Variants in COG5 observed in about 807,000 individuals in gnomAD.
The protein encoded by COG5 is conserved oligomeric Golgi complex subunit 5.
COG5 carries 86 observed loss-of-function variants against 110.4 expected under a neutral mutation model. The ratio of observed to expected loss-of-function variants is 0.78; its 90% CI spans 0.65 to 0.93. The LOEUF (loss-of-function observed/expected upper bound fraction) is 0.93. COG5 is among the 40% of genes least tolerant of loss of function. COG5 has a pLI of 0.00. For missense variants in COG5, 1,077 were observed against 987.0 expected (o/e 1.09, Z -1.22); for synonymous variants, 360 against 334.6 (o/e 1.08, Z -0.83).
intron 7 of COG5, among the ~76,000 whole-genome samples, chr7:107,393,249 G>C (rs947527900): frequency 6.6e-6 from 1 of 152,064 alleles, no homozygotes; most frequent in African/African-American, 2.4e-5. Context: ...TCCAGGATCA[G>C]CTCTAGGAAT....
At chr7:107,395,095 C>G (rs1316064852) in intron 7 of COG5, among the ~76,000 whole-genome samples, 1 of 152,228 alleles carries the variant, frequency 6.6e-6, no homozygotes, top group South Asian at 2.1e-4. Flanking sequence ...AACTGGAAAA[C>G]CACACAGAGA....
intron 11 of COG5, among the ~76,000 whole-genome samples, chr7:107,306,827 A>G (rs953072881): frequency 2.0e-5 from 3 of 152,156 alleles, no homozygotes; most frequent in Non-Finnish European, 4.4e-5. Context: ...TCAATTTTCT[A>G]CCTTCTTCCC....
intron 6 of COG5, among the ~76,000 whole-genome samples, chr7:107,439,806 A>C (rs1001174722): frequency 1.3e-5 from 2 of 152,180 alleles, no homozygotes; most frequent in African/African-American, 4.8e-5. Flanking sequence ...TGCCAAAATG[A>C]CATTTCAAAA....
intron 6 of COG5, among the ~76,000 whole-genome samples, chr7:107,526,555 C>G (rs1354190796): frequency 6.6e-6 from 1 of 152,160 alleles, no homozygotes; most frequent in African/African-American, 2.4e-5. Flanking sequence ...CAGCATTTCT[C>G]TAGAATATTT....
At chr7:107,279,828 T>C (rs771889448) in intron 14 of COG5, among the ~76,000 whole-genome samples, 1 of 152,144 alleles carries the variant, frequency 6.6e-6, no homozygotes, top group Non-Finnish European at 1.5e-5. Context: ...GCAGGTACAT[T>C]AGATAGGCCT....
intron 11 of COG5, among the ~76,000 whole-genome samples, chr7:107,309,425 T>C (rs1808019830): frequency 6.6e-6 from 1 of 152,188 alleles, no homozygotes; most frequent in African/African-American, 2.4e-5. Context: ...ATGTCTGTTA[T>C]TTACTGAACA....
At chr7:107,336,893 G>T (rs534302100) in intron 10 of COG5, among the ~76,000 whole-genome samples, 88 of 152,180 alleles carry the variant, frequency 5.8e-4, no homozygotes, top group African/African-American at 2.0e-3. Flanking sequence ...AGTGCAGACC[G>T]CCTGGGAGCC....
intron 11 of COG5, among the ~76,000 whole-genome samples, chr7:107,304,071 C>T (rs745714670): frequency 2.6e-5 from 4 of 152,088 alleles, no homozygotes; most frequent in African/African-American, 9.7e-5. Context: ...TATTGTACTC[C>T]TACCAGGTAA....
chr7:107,533,856 G>C (rs1419521699), intron 5 of COG5, among the ~76,000 whole-genome samples: 3 of 151,406 alleles, frequency 2.0e-5, no homozygotes, highest in Non-Finnish European at 4.4e-5. Context: ...CCCCAAGACA[G>C]ATAATCATCA....
chr7:107,525,538 A>G lies in COG5; in HGVS notation c.538+1699T>C, dbSNP rs551703418. On this transcript the variant is annotated intron_variant, in intron 6 of 21. Coordinates refer to ENST00000297135, the MANE Select transcript of COG5 (RefSeq NM_006348.5). The stretch of plus-strand genomic sequence containing the variant: ...TGAAAACAACACACAAGCATTATTC[A>G]TTGTTTAAAGTTAACTTTTTTTTTT... 8.8e-5 allele frequency among the ~76,000 whole-genome samples: 13 copies of G among 147,722 alleles called. No homozygotes were observed. The South Asian group carries it at 2.6e-3, about 29-fold the overall frequency.
At position 107,434,857 on chromosome 7, in the gene COG5, C is replaced by T. The variant is rs1276701620; in HGVS notation, c.539-22225G>A. Among the ~76,000 whole-genome samples the T allele has an allele frequency of 3.3e-5, 5 of 151,852 alleles. No individual in the cohort carries two copies. The East Asian group carries it at 9.7e-4, about 29-fold the overall frequency. On this transcript the variant is annotated intron_variant, in intron 6 of 21. Coordinates refer to ENST00000297135, the MANE Select transcript of COG5 (RefSeq NM_006348.5). ...TGGTGGCAAATGCCTGTAGTCCCAG[C>T]TACTTGGTAGGCTGAGGGAGGAGAA...
intron 12 of COG5, among the ~76,000 whole-genome samples, chr7:107,285,264 T>C (rs1014103060): frequency 6.6e-6 from 1 of 152,212 alleles, no homozygotes; most frequent in Non-Finnish European, 1.5e-5. Flanking sequence ...AGTATCTAAA[T>C]GTGTCTGAAG....
intron 11 of COG5, among the ~76,000 whole-genome samples, chr7:107,313,411 T>C (rs1277544220): frequency 6.6e-6 from 1 of 152,186 alleles, no homozygotes; most frequent in Non-Finnish European, 1.5e-5. Flanking sequence ...TCTCATATAC[T>C]GCCAAGGAGA....
In COG5 at chr7:107,563,739, CTGTCCAGG is replaced by C. The variant is rs915980636; in HGVS notation, c.94+56_94+63del. On this transcript the variant is annotated intron_variant, in intron 1 of 21. Transcript: ENST00000297135. Reference sequence around the variant, plus strand: ...AAAGCAACGGGTTGGGTCCACCTCGCTGTCCAGGTGCGGAGCAGCGCAGACCCCCAACC... The same window carrying C: ...AAAGCAACGGGTTGGGTCCACCTCGCTGCGGAGCAGCGCAGACCCCCAACC... The C allele has an allele frequency of 1.9e-6, 3 of 1,579,188 alleles. No homozygotes were observed. In the African/African-American group the frequency reaches 4.0e-5, roughly 21 times the overall value.
intron 18 of COG5, among the ~76,000 whole-genome samples, chr7:107,230,982 G>A (rs77207899): frequency 0.014 from 2,115 of 152,126 alleles, 37 homozygotes; most frequent in Non-Finnish European, 0.022. Context: ...GAAAAATAAG[G>A]AAAAGGAAAA....
At chr7:107,398,968 G>A (rs551772530) in intron 7 of COG5, among the ~76,000 whole-genome samples, 12 of 152,194 alleles carry the variant, frequency 7.9e-5, no homozygotes, top group East Asian at 1.9e-4. Flanking sequence ...TTGGGAGGCC[G>A]AAGCAGGGAG....
At chr7:107,454,138 A>G (rs886137639) in intron 6 of COG5, among the ~76,000 whole-genome samples, 3 of 144,494 alleles carry the variant, frequency 2.1e-5, no homozygotes, top group Non-Finnish European at 4.4e-5. Context: ...TAATTGAAAA[A>G]TAATAAAATT....
chr7:107,251,819 C>G (rs964164680), intron 16 of COG5, among the ~76,000 whole-genome samples: 1 of 151,640 alleles, frequency 6.6e-6, no homozygotes, highest in Non-Finnish European at 1.5e-5. Flanking sequence ...CTCACAAATC[C>G]AAAGATAAAC....
chr7:107,549,450 G>A lies in COG5; in HGVS notation c.293-1118C>T, dbSNP rs1489463774. ...TCTGTCGCCCAGGCTGGAGTGCAGT[G>A]GCTTGATCCCCCCTCACTGCATGCT... is the stretch of plus-strand genomic sequence containing the variant. On this transcript the variant is annotated intron_variant, in intron 3 of 21. Coordinates refer to ENST00000297135, the MANE Select transcript of COG5 (RefSeq NM_006348.5). Among the ~76,000 whole-genome samples the A allele has an allele frequency of 3.3e-5, 5 of 152,198 alleles. 1 individual carries two copies. The South Asian group carries it at 1.0e-3, about 32-fold the overall frequency.
Sources: allele counts gnomAD v4.1 joint callset (sites outside exome capture counted in the v4.1 genomes callset), GRCh38; gene constraint gnomAD v4.1.1; transcripts MANE v1.5; gene names NCBI Gene and HGNC (gene_info 2026-07-23, HGNC 2026-07-21).